GRTP1: variants seen among roughly 807,000 people sequenced by gnomAD.
The protein encoded by GRTP1 is growth hormone regulated TBC protein 1, also known as growth hormone-regulated TBC protein 1.
A neutral mutation model predicts 38.1 loss-of-function variants in GRTP1; 56 were observed. The observed-to-expected ratio is 1.47, with a 90% confidence interval of 1.19 to 1.84. The LOEUF is 1.84. Ranked by LOEUF, GRTP1 falls within the 40% of genes most tolerant of loss-of-function variation. GRTP1 has a pLI of 0.00. For missense variants in GRTP1, 506 were observed against 453.9 expected, an observed-to-expected ratio of 1.11 and a Z score of -1.04; for synonymous variants, 217 against 189.5, an observed-to-expected ratio of 1.14 and a Z score of -1.19.
At chr13:113,358,089 G>A (rs926838355) in intron 2 of GRTP1, among the ~76,000 whole-genome samples, 1 of 152,176 alleles carries the variant, frequency 6.6e-6, no homozygotes, top group Admixed American at 6.5e-5. Context: ...GGCTGAGGCA[G>A]GAGAATCGCT....
At chr13:113,325,290 A>G in intron 7 of GRTP1, 10 of 1,309,254 alleles carry the variant, frequency 7.6e-6, no homozygotes, top group South Asian at 2.4e-5. Context: ...AAGGCCTGTC[A>G]GGTACAGCTC....
rs927423510 is a variant in GRTP1 at position 113,333,348 on chromosome 13, ACAGT to A, written c.563-7261_563-7258del. On this transcript the variant is annotated intron_variant, in intron 5 of 7. Coordinates refer to ENST00000375431, the MANE Select transcript of GRTP1 (RefSeq NM_024719.4). Reference sequence around the variant, plus strand: ...GAAAACAGCACAGAGCAGTGTGGTCACAGTCAGGAAGATGGGATCCAGTCACAAC... The same window carrying A: ...GAAAACAGCACAGAGCAGTGTGGTCACAGGAAGATGGGATCCAGTCACAAC... Among the ~76,000 whole-genome samples, 132 of 152,314 alleles carry A rather than the reference ACAGT, an allele frequency of 8.7e-4. 1 individual carries two copies. Among genetic ancestry groups the A allele is most frequent in the African/African-American group, 3.0e-3 (123 of 41,576 alleles).
Position 113,344,938 on chromosome 13 carries a change from A to G in GRTP1, c.487T>C (p.Tyr163His). The G allele has an allele frequency of 6.3e-7, 1 of 1,597,714 alleles. No individual in the cohort carries two copies. Among genetic ancestry groups the G allele is most frequent in the Non-Finnish European group, 8.5e-7 (1 of 1,174,050 alleles). Residue 163 changes from tyrosine to histidine, a missense_variant, in exon 5 of 8, where the codon TAT (tyrosine) becomes CAT (histidine). Physicochemically the swap from Tyr to His is moderately conservative, Grantham distance 83. Coordinates refer to ENST00000375431, the MANE Select transcript of GRTP1 (RefSeq NM_024719.4). ...TCATTATTTGTTATAAGAATCAGATATCCTGCTATAAAATTCATTCCCTGA... is the reference window on the plus strand; with the variant it reads ...TCATTATTTGTTATAAGAATCAGATGTCCTGCTATAAAATTCATTCCCTGA... The part of the protein sequence containing the change: ...YCQGMNFIAG[Y>H]LILITNNEEE...
At chr13:113,362,481 T>G (rs1204922269) in intron 2 of GRTP1, among the ~76,000 whole-genome samples, 2 of 151,862 alleles carry the variant, frequency 1.3e-5, no homozygotes, top group African/African-American at 2.4e-5. Context: ...TATAAAAAAT[T>G]TAAAAATTAG....
Position 113,342,131 on chromosome 13 carries a change from T to C in GRTP1, c.562+2732A>G, listed in dbSNP as rs1277394375. Among the ~76,000 whole-genome samples, 2 of 151,864 alleles carry C rather than the reference T, an allele frequency of 1.3e-5. No homozygotes were observed. Among genetic ancestry groups the C allele is most frequent in the African/African-American group, 4.8e-5 (2 of 41,354 alleles). On this transcript the variant is annotated intron_variant, in intron 5 of 7. Transcript: ENST00000375431. This position sits in a 1 kb window ranked among gnomAD's most constrained non-coding sequence, Gnocchi z 4.5. ...CTAATTTTTGTATTTTTAGTGGAGG[T>C]GGGGTTTTGCCATGTTGGCCAGGCT... is the stretch of plus-strand genomic sequence containing the variant.
intron 7 of GRTP1, chr13:113,325,333 C>A: frequency 7.1e-7 from 1 of 1,401,742 alleles, no homozygotes; most frequent in South Asian, 1.7e-5. Context: ...TGAGTCTATA[C>A]GGCCTGCGCC....
chr13:113,331,541 C>A (rs548308429), intron 5 of GRTP1, among the ~76,000 whole-genome samples: 142 of 152,244 alleles, frequency 9.3e-4, no homozygotes, highest in African/African-American at 3.3e-3. Flanking sequence ...CATCTCTTTT[C>A]CTGAGAAGAC....
intron 4 of GRTP1, among the ~76,000 whole-genome samples, chr13:113,346,074 C>CA (rs1566429030): frequency 0.12 from 698 of 5,940 alleles, 200 homozygotes; most frequent in Non-Finnish European, 0.15. Context: ...ACCTCTGCGG[C>CA]TGAGCAGACC....
chr13:113,344,253 A>G (rs1008487382), intron 5 of GRTP1, among the ~76,000 whole-genome samples: 5 of 152,250 alleles, frequency 3.3e-5, no homozygotes, highest in East Asian at 1.9e-4. Context: ...GAAGTTACCA[A>G]CTGAGGAAGG....
chr13:113,326,816 CAT>C (rs1400572890), intron 5 of GRTP1, among the ~76,000 whole-genome samples: 1 of 152,282 alleles, frequency 6.6e-6, no homozygotes, highest in Non-Finnish European at 1.5e-5. Flanking sequence ...GGATAACCAA[CAT>C]GTGAATGTCC....
intron 2 of GRTP1, 41 bp downstream of exon 2, chr13:113,363,721 C>G: frequency 6.3e-7 from 1 of 1,582,364 alleles, no homozygotes; most frequent in African/African-American, 1.3e-5. Flanking sequence ...CAGCCCAACC[C>G]ACCTGCGCCC....
intron 3 of GRTP1, chr13:113,355,041 G>GC: frequency 6.2e-6 from 2 of 323,944 alleles, no homozygotes; most frequent in Non-Finnish European, 1.1e-5. Flanking sequence ...AACAGAGGCC[G>GC]CCTCTCCCTG....
intron 2 of GRTP1, among the ~76,000 whole-genome samples, chr13:113,358,222 C>A (rs780777403): frequency 3.9e-5 from 6 of 152,068 alleles, no homozygotes; most frequent in Non-Finnish European, 7.4e-5. Context: ...AAATTGGCAT[C>A]ATTTACAATA....
chr13:113,357,667 T>G (rs748060655), intron 2 of GRTP1, among the ~76,000 whole-genome samples: 21 of 152,142 alleles, frequency 1.4e-4, no homozygotes, highest in Non-Finnish European at 2.8e-4. Flanking sequence ...CGATTCATAC[T>G]GAGGTTTGCT....
chr13:113,355,197 CGT>C (rs1178209701), intron 3 of GRTP1, 124 bp downstream of exon 3: 1 of 880,274 alleles, frequency 1.1e-6, no homozygotes, highest in East Asian at 2.5e-5. Flanking sequence ...TGGAGGAAGA[CGT>C]AACTTCAAGT....
intron 2 of GRTP1, chr13:113,360,195 T>A (rs1008489376): frequency 6.6e-6 from 1 of 152,108 alleles, no homozygotes; most frequent in African/African-American, 2.4e-5. Flanking sequence ...GAGAATGAAA[T>A]AGGAATCCAA....
chr13:113,358,521 A>C (rs2043437173), intron 2 of GRTP1, among the ~76,000 whole-genome samples: 1 of 152,254 alleles, frequency 6.6e-6, no homozygotes, highest in Non-Finnish European at 1.5e-5. Context: ...AACAATTTTG[A>C]AAATGAAGTT....
intron 5 of GRTP1, among the ~76,000 whole-genome samples, chr13:113,332,379 C>CAGGT (rs2042888438): frequency 1.4e-5 from 2 of 146,994 alleles, no homozygotes; most frequent in Non-Finnish European, 3.0e-5. Context: ...GCACACCACA[C>CAGGT]ACGCACACGC....
chr13:113,325,404 A>G, intron 7 of GRTP1: 1 of 1,438,134 alleles, frequency 7.0e-7, no homozygotes, highest in Non-Finnish European at 9.1e-7. Flanking sequence ...CACCACACAC[A>G]GCAGATGAGT....
Sources: allele counts gnomAD v4.1 joint callset (sites outside exome capture counted in the v4.1 genomes callset), GRCh38; gene constraint gnomAD v4.1.1; non-coding constraint Gnocchi (gnomAD v3.1); transcripts MANE v1.5; gene names NCBI Gene and HGNC (gene_info 2026-07-23, HGNC 2026-07-21).